Variants in RPGRIP1 observed in about 807,000 individuals in gnomAD.
The protein encoded by RPGRIP1 is RPGR interacting protein 1, also known as X-linked retinitis pigmentosa GTPase regulator-interacting protein 1.
A neutral mutation model predicts 157.9 loss-of-function variants in RPGRIP1; 128 were observed. The ratio of observed to expected loss-of-function variants is 0.81; its 90% CI spans 0.70 to 0.94. RPGRIP1 has a LOEUF of 0.94. Among genes scored for constraint, RPGRIP1 ranks in the 40% least tolerant of loss-of-function variants. The pLI is 0.00. For missense variants in RPGRIP1, 1,486 were observed against 1,545.8 expected (o/e 0.96, Z 0.65); for synonymous variants, 554 against 571.6 (o/e 0.97, Z 0.44).
chr14:21,314,364 A>G (rs1223383753), intron 10 of RPGRIP1, among the ~76,000 whole-genome samples: 1 of 152,162 alleles, frequency 6.6e-6, no homozygotes, highest in Non-Finnish European at 1.5e-5. Context: ...GATTACAGGC[A>G]TGAGCCACCG....
chr14:21,313,845 A>C (rs2139178482), intron 10 of RPGRIP1, among the ~76,000 whole-genome samples: 1 of 152,042 alleles, frequency 6.6e-6, no homozygotes, highest in South Asian at 2.1e-4. Context: ...TGAATATGTT[A>C]ACTCTGACAT....
At chr14:21,327,479 A>T (rs999726237) in intron 17 of RPGRIP1, 144 bp from the exon 18 acceptor site, 3 of 678,878 alleles carry the variant, frequency 4.4e-6, no homozygotes, top group Admixed American at 4.9e-5. Flanking sequence ...GTGTATCATC[A>T]TCGTAATTAT....
chr14:21,301,721 A>G (rs545311192), intron 4 of RPGRIP1, among the ~76,000 whole-genome samples: 1 of 61,424 alleles, frequency 1.6e-5, no homozygotes, highest in African/African-American at 7.4e-5. Context: ...AATAATAATA[A>G]TAAAAAATTA....
intron 3 of RPGRIP1, among the ~76,000 whole-genome samples, chr14:21,300,173 C>T (rs771328272): frequency 2.6e-5 from 4 of 152,036 alleles, no homozygotes; most frequent in African/African-American, 4.8e-5. Context: ...GGCGTGGTGG[C>T]GCATGCCTGT....
chr14:21,349,057 T>G (rs1885871559), intron 24 of RPGRIP1, among the ~76,000 whole-genome samples: 1 of 139,084 alleles, frequency 7.2e-6, no homozygotes, highest in Admixed American at 7.9e-5. Context: ...GACTATGCTC[T>G]CCTTACTACA....
intron 13 of RPGRIP1, 94 bp downstream of exon 13, chr14:21,321,496 G>A: frequency 6.6e-7 from 1 of 1,518,624 alleles, no homozygotes; most frequent in Non-Finnish European, 8.8e-7. Flanking sequence ...AGTTTCCAGG[G>A]CTGATACCAG....
intron 4 of RPGRIP1, 40 bp downstream of exon 4, chr14:21,301,277 T>C: frequency 6.5e-7 from 1 of 1,547,902 alleles, no homozygotes; most frequent in Non-Finnish European, 8.7e-7. Flanking sequence ...GCTAAGACAC[T>C]GGGAAGGACT....
At chr14:21,297,834 A>ATTTT (rs146421534) in intron 3 of RPGRIP1, among the ~76,000 whole-genome samples, 2,087 of 133,314 alleles carry the variant, frequency 0.016, 27 homozygotes, top group Admixed American at 0.024. Flanking sequence ...TCAATAAATT[A>ATTTT]TTCTTTCTTT....
At chr14:21,293,701 AC>A (rs1407748886) in intron 2 of RPGRIP1, among the ~76,000 whole-genome samples, 3 of 151,934 alleles carry the variant, frequency 2.0e-5, no homozygotes, top group Admixed American at 1.3e-4. Context: ...ACATGGAGAA[AC>A]CCCGTCTCTA....
At chr14:21,290,813 C>A (rs1480796708) in intron 2 of RPGRIP1, among the ~76,000 whole-genome samples, 1 of 137,008 alleles carries the variant, frequency 7.3e-6, no homozygotes, top group East Asian at 2.0e-4. Flanking sequence ...AGTGAGACTC[C>A]GTCTCAAAAA....
intron 21 of RPGRIP1, among the ~76,000 whole-genome samples, chr14:21,342,577 T>A (rs923272613): frequency 1.3e-5 from 2 of 151,880 alleles, no homozygotes; most frequent in Non-Finnish European, 2.9e-5. Context: ...AATAGCTGTT[T>A]AGAAATTTAT....
chr14:21,319,954 C>T, intron 11 of RPGRIP1, 63 bp from the exon 12 acceptor site: 1 of 1,447,584 alleles, frequency 6.9e-7, no homozygotes, highest in Non-Finnish European at 9.5e-7. Flanking sequence ...CACACTTGAT[C>T]CAACTCTGAC....
intron 4 of RPGRIP1, 121 bp downstream of exon 4, chr14:21,301,358 C>A: frequency 9.4e-7 from 1 of 1,059,214 alleles, no homozygotes; most frequent in Non-Finnish European, 1.4e-6. Context: ...TGTTCTCACT[C>A]CCTCCTTTCT....
intron 16 of RPGRIP1, 91 bp from the exon 17 acceptor site, chr14:21,325,740 A>T (rs1258580797): frequency 4.2e-6 from 4 of 952,346 alleles, no homozygotes; most frequent in Non-Finnish European, 4.7e-6. Flanking sequence ...TGTTCTCTAG[A>T]TCATAGCTCT....
intron 2 of RPGRIP1, among the ~76,000 whole-genome samples, chr14:21,289,917 C>T (rs894283556): frequency 4.6e-5 from 7 of 152,000 alleles, no homozygotes; most frequent in African/African-American, 9.7e-5. Context: ...AGTGCAGTGG[C>T]GTGATCTCAG....
chr14:21,345,712 T>TTATA lies in RPGRIP1; in HGVS notation c.3617+516_3617+519dup, dbSNP rs565345761. On this transcript the variant is annotated intron_variant, in intron 23 of 24. Transcript: ENST00000400017. ...GAGCCACCGTGTCCAGCCCATAGTC[T>TTATA]TATAGGTTTAGTTCATTTCTCACCC... is the stretch of plus-strand genomic sequence containing the variant. 4.8e-3 allele frequency among the ~76,000 whole-genome samples: 729 copies of TTATA among 152,094 alleles called. 4 individuals carry two copies. The highest frequency in any genetic ancestry group is 0.012 in the Admixed American group (183 of 15,286).
intron 2 of RPGRIP1, among the ~76,000 whole-genome samples, chr14:21,292,068 T>A (rs935519212): frequency 4.6e-5 from 7 of 152,146 alleles, no homozygotes; most frequent in African/African-American, 1.7e-4. Flanking sequence ...AATTTTTATA[T>A]TTTTTGTAGA....
At chr14:21,330,602 G>C (rs1466839889) in intron 20 of RPGRIP1, among the ~76,000 whole-genome samples, 1 of 151,962 alleles carries the variant, frequency 6.6e-6, no homozygotes, top group Non-Finnish European at 1.5e-5. Flanking sequence ...GGAGGAGGAG[G>C]TTGCAGTGAG....
chr14:21,285,243 A>G (rs569531093), intron 1 of RPGRIP1, among the ~76,000 whole-genome samples: 1 of 152,086 alleles, frequency 6.6e-6, no homozygotes, highest in East Asian at 1.9e-4. Flanking sequence ...CCAAAGTCAG[A>G]GAAAGGCCTC....
Sources: gnomAD v4.1 joint callset for allele counts (sites outside exome capture counted in the v4.1 genomes callset) on GRCh38, gnomAD v4.1.1 for gene constraint, MANE v1.5 for transcripts, NCBI Gene and HGNC (gene_info 2026-07-23, HGNC 2026-07-21) for gene names.